Variants in KANK4 observed in about 807,000 individuals in gnomAD.
The protein encoded by KANK4 is KN motif and ankyrin repeat domain-containing protein 4.
In KANK4, 50 loss-of-function variants were observed where a neutral mutation model predicts 80.8. The observed-to-expected ratio is 0.62, with a 90% CI of 0.49 to 0.78. The LOEUF is 0.78. Among genes scored for constraint, KANK4 ranks in the 30% least tolerant of loss-of-function variants. KANK4 has a pLI of 0.00. For missense variants in KANK4, 1,196 were observed against 1,240.1 expected, an observed-to-expected ratio of 0.96 and a Z score of 0.53; for synonymous variants, 465 against 506.9, an observed-to-expected ratio of 0.92 and a Z score of 1.11.
At chr1:62,300,752 T>C (rs909031452) in intron 1 of KANK4, among the ~76,000 whole-genome samples, 1 of 151,964 alleles carries the variant, frequency 6.6e-6, no homozygotes, top group African/African-American at 2.4e-5. Flanking sequence ...GGGTTTTAAA[T>C]ACAACTCTGA....
At chr1:62,245,805 C>G (rs1025353741) in intron 9 of KANK4, among the ~76,000 whole-genome samples, 1 of 152,132 alleles carries the variant, frequency 6.6e-6, no homozygotes, top group African/African-American at 2.4e-5. Flanking sequence ...CTGTAATTAT[C>G]AGGAACAAGG....
At position 62,278,393 on chromosome 1, in the gene KANK4, C is replaced by CT. The variant is rs1231498265; in HGVS notation, c.16+3155dup. 7.5e-4 allele frequency among the ~76,000 whole-genome samples: 14 copies of CT among 18,580 alleles called. 1 individual carries two copies. Among genetic ancestry groups the CT allele is most frequent in the African/African-American group, 4.5e-3 (14 of 3,084 alleles). The allele number at this position is 18,580 out of a possible 152,430, so 12.2% of individuals were successfully genotyped here. A position where few individuals can be genotyped will look rare whatever the true frequency, so the allele number is the denominator to read the frequency against. On this transcript the variant is annotated intron_variant, in intron 2 of 9. Coordinates refer to ENST00000371153, the MANE Select transcript of KANK4 (RefSeq NM_181712.5). ...CCTTCCTTCCTTTCTTTCTTTCTTTCTTTCTTTTTTTTTTTTGAGATGGAA... is the reference window on the plus strand; with the variant it reads ...CCTTCCTTCCTTTCTTTCTTTCTTTCTTTTCTTTTTTTTTTTTGAGATGGAA...
chr1:62,301,495 C>T (rs555047033), intron 1 of KANK4, among the ~76,000 whole-genome samples: 60 of 152,050 alleles, frequency 3.9e-4, no homozygotes, highest in African/African-American at 1.4e-3. Context: ...CAGCACCCAC[C>T]GCTTATTAAA....
rs1644570356 is a variant in KANK4, at chr1:62,319,233, C to T, written c.-198G>A. ...CACTGTCCGCGTCCCAGGCGCGCACCCCGGGGCTGGCGCACCCTGGTCGTC... is the reference window on the plus strand; with the variant it reads ...CACTGTCCGCGTCCCAGGCGCGCACTCCGGGGCTGGCGCACCCTGGTCGTC... On this transcript the variant is annotated 5_prime_UTR_variant, in exon 1 of 10. Coordinates refer to ENST00000371153, the MANE Select transcript of KANK4 (RefSeq NM_181712.5). The T allele has an allele frequency of 6.6e-6, 1 of 152,032 alleles. No individual in the cohort carries two copies. Among genetic ancestry groups the T allele is most frequent in the African/African-American group, 2.4e-5 (1 of 41,418 alleles). The allele number at this position is 152,032 out of a possible 1,614,324, so 9.4% of individuals were successfully genotyped here.
intron 1 of KANK4, among the ~76,000 whole-genome samples, chr1:62,312,972 G>GT (rs3039733): frequency 3.1e-5 from 4 of 128,948 alleles, no homozygotes; most frequent in Non-Finnish European, 7.4e-5. Context: ...CAATACAGTG[G>GT]TTCCCCCCCA....
At chr1:62,243,041 T>C (rs6660963) in intron 9 of KANK4, among the ~76,000 whole-genome samples, 52,996 of 152,002 alleles carry the variant, frequency 0.35, 10,161 homozygotes, top group Non-Finnish European at 0.43. Context: ...CTGGAACCCA[T>C]CTTACCTGTG....
At chr1:62,277,937 G>A (rs967068013) in intron 2 of KANK4, among the ~76,000 whole-genome samples, 2 of 152,180 alleles carry the variant, frequency 1.3e-5, no homozygotes, top group East Asian at 3.9e-4. Flanking sequence ...GCAAAGGGAT[G>A]GAGGGTGAAA....
chr1:62,262,577 A>T (rs2765245), intron 7 of KANK4, among the ~76,000 whole-genome samples: 106,289 of 151,908 alleles, frequency 0.7, 37,885 homozygotes, highest in East Asian at 0.83. Context: ...TATATATATA[A>T]AAAATAAATA....
intron 1 of KANK4, among the ~76,000 whole-genome samples, chr1:62,306,178 AG>A (rs1265032966): frequency 1.5e-4 from 23 of 152,028 alleles, no homozygotes; most frequent in Non-Finnish European, 5.9e-5. Flanking sequence ...TTGTAGAGAT[AG>A]GGGTCTCACT....
chr1:62,314,824 G>C (rs909188929), intron 1 of KANK4, among the ~76,000 whole-genome samples: 3 of 152,206 alleles, frequency 2.0e-5, no homozygotes, highest in African/African-American at 7.2e-5. Flanking sequence ...AGCTATTTGA[G>C]GGGGCAGAGC....
Position 62,319,427 on chromosome 1 carries a change from G to T in KANK4, c.-392C>A, listed in dbSNP as rs1239759636. On this transcript the variant is annotated 5_prime_UTR_variant, in exon 1 of 10. Coordinates refer to ENST00000371153, the MANE Select transcript of KANK4 (RefSeq NM_181712.5). ...CAACAGCGCCCGAGTCCCCGCCTTC[G>T]CTAGGGGAGAAAAAAAAGACTCCTG... The T allele has an allele frequency of 6.6e-6, 1 of 152,002 alleles. No homozygotes were observed. The highest frequency in any genetic ancestry group is 1.5e-5 in the Non-Finnish European group (1 of 67,980). The allele number at this position is 152,002 out of a possible 1,614,324, so 9.4% of individuals were successfully genotyped here.
At chr1:62,314,551 C>A (rs1052442908) in intron 1 of KANK4, among the ~76,000 whole-genome samples, 4 of 152,028 alleles carry the variant, frequency 2.6e-5, no homozygotes, top group Admixed American at 2.0e-4. Flanking sequence ...GCTCTTTTAT[C>A]CTTGTGTGGA....
intron 4 of KANK4, among the ~76,000 whole-genome samples, chr1:62,270,659 C>T (rs1270479155): frequency 6.6e-6 from 1 of 152,080 alleles, no homozygotes; most frequent in Non-Finnish European, 1.5e-5. Context: ...GCTGGGATTA[C>T]AGGCATGAGC....
chr1:62,314,220 G>A (rs1368778383), intron 1 of KANK4, among the ~76,000 whole-genome samples: 1 of 152,018 alleles, frequency 6.6e-6, no homozygotes. Context: ...CTCCATGTTG[G>A]CCAGGCTGGT....
intron 1 of KANK4, among the ~76,000 whole-genome samples, chr1:62,284,998 C>T (rs1471149736): frequency 6.6e-6 from 1 of 152,216 alleles, no homozygotes; most frequent in East Asian, 1.9e-4. Flanking sequence ...AAGAAACTAA[C>T]AAGAGCTAAG....
Position 62,236,193 on chromosome 1 carries a change from A to G in KANK4, c.*2084T>C, listed in dbSNP as rs553932365. ...GAGGCAGCATTTTAATATAACAAAC[A>G]ATAAGGATAGGCCAGAGGCTTGCTA... On this transcript the variant is annotated 3_prime_UTR_variant, in exon 10 of 10. Transcript: ENST00000371153. Among the ~76,000 whole-genome samples the G allele has an allele frequency of 2.6e-5, 4 of 152,258 alleles. No individual in the cohort carries two copies. In the East Asian group the frequency reaches 7.7e-4, roughly 29 times the overall value.
At chr1:62,263,393 G>C (rs944645454) in intron 6 of KANK4, 82 bp from the exon 7 acceptor site, 8 of 1,156,770 alleles carry the variant, frequency 6.9e-6, no homozygotes, top group Non-Finnish European at 1.0e-5. Flanking sequence ...GACAGCTTTG[G>C]CCTCTGTCCC....
chr1:62,247,741 G>A (rs945110634), intron 8 of KANK4, 69 bp from the exon 9 acceptor site: 9 of 1,355,356 alleles, frequency 6.6e-6, no homozygotes, highest in Non-Finnish European at 9.4e-6. Context: ...TCCAGCCTGG[G>A]TGTGCTCATC....
intron 9 of KANK4, among the ~76,000 whole-genome samples, chr1:62,244,084 C>T (rs1016110994): frequency 9.9e-5 from 15 of 152,118 alleles, no homozygotes; most frequent in African/African-American, 3.6e-4. Flanking sequence ...GAGTCTACTG[C>T]TGTCCCCATT....
Sources: gnomAD v4.1 joint callset for allele counts (sites outside exome capture counted in the v4.1 genomes callset) on GRCh38, gnomAD v4.1.1 for gene constraint, MANE v1.5 for transcripts, NCBI Gene and HGNC (gene_info 2026-07-23, HGNC 2026-07-21) for gene names.